The following TUSC3 variants were observed in gnomAD, a reference collection of about 807,000 sequenced individuals.
TUSC3 encodes dolichyl-diphosphooligosaccharide--protein glycosyltransferase subunit TUSC3.
A neutral mutation model predicts 44.8 loss-of-function variants in TUSC3; 45 were observed. That is an observed-to-expected ratio of 1.00 (90% CI 0.79 to 1.29). The LOEUF (loss-of-function observed/expected upper bound fraction) is 1.29, where lower values mean the gene tolerates loss of function less well. TUSC3 is among the 50% of genes most tolerant of loss of function. TUSC3 has a pLI of 0.00. For missense variants in TUSC3, 519 were observed against 437.9 expected (o/e 1.19, Z -1.65); for synonymous variants, 212 against 152.9 (o/e 1.39, Z -2.85).
chr8:15,748,757 T>C lies in TUSC3; in HGVS notation c.1028+292T>C, dbSNP rs143825573. ...AGGACTTGAAAATTTTTATCTTCCC[T>C]TAGTTTGTCGTGATTTCGACTTCAT... On this transcript the variant is annotated intron_variant, in intron 9 of 10. Transcript: ENST00000503731. 8.8e-4 allele frequency: 497 copies of C among 567,108 alleles called. 3 individuals carry two copies. The East Asian group carries it at 0.021, about 23-fold the overall frequency. 35.1% of individuals were successfully genotyped at this position (567,108 alleles called of 1,614,324 possible). A position where few individuals can be genotyped will look rare whatever the true frequency, so the allele number is the denominator to read the frequency against.
At chr8:15,754,906 C>A (rs1024951402) in intron 9 of TUSC3, among the ~76,000 whole-genome samples, 1 of 151,944 alleles carries the variant, frequency 6.6e-6, no homozygotes, top group African/African-American at 2.4e-5. Context: ...TAATCTTAAG[C>A]CTTACAAAAC....
chr8:15,747,456 AATATCTTTGTCTTT>A (rs1456174348), intron 8 of TUSC3, among the ~76,000 whole-genome samples: 1 of 143,476 alleles, frequency 7.0e-6, no homozygotes, highest in Non-Finnish European at 1.6e-5. Flanking sequence ...ATTTTATTTA[AATATCTTTGTCTTT>A]TATTCTAAAC....
chr8:15,747,739 G>C (rs921327632), intron 8 of TUSC3, among the ~76,000 whole-genome samples: 3 of 152,012 alleles, frequency 2.0e-5, no homozygotes, highest in Non-Finnish European at 4.4e-5. Flanking sequence ...TATAACATAT[G>C]TCCTCAGTTT....
At chr8:15,736,132 C>T (rs1161067765) in intron 7 of TUSC3, among the ~76,000 whole-genome samples, 1 of 152,084 alleles carries the variant, frequency 6.6e-6, no homozygotes, top group Non-Finnish European at 1.5e-5. Flanking sequence ...TACACACATA[C>T]ACGCAGGTGC....
intron 6 of TUSC3, among the ~76,000 whole-genome samples, chr8:15,707,898 C>T (rs1168565356): frequency 1.3e-5 from 2 of 151,894 alleles, no homozygotes; most frequent in Non-Finnish European, 2.9e-5. Flanking sequence ...TCCCATGCCT[C>T]TTTCTTAGGT....
chr8:15,529,987 T>A (rs907243493), intron 2 of TUSC3, among the ~76,000 whole-genome samples: 1 of 116,840 alleles, frequency 8.6e-6, no homozygotes, highest in Non-Finnish European at 1.7e-5. Context: ...GGGTTTCACC[T>A]TGTTAGCCAG....
intron 6 of TUSC3, among the ~76,000 whole-genome samples, chr8:15,699,600 G>A (rs1809311385): frequency 1.3e-5 from 2 of 152,118 alleles, no homozygotes; most frequent in African/African-American, 4.8e-5. Flanking sequence ...AATAATACTT[G>A]TATTTTCAAA....
chr8:15,495,424 A>T (rs1261525904), intron 2 of TUSC3, among the ~76,000 whole-genome samples: 1 of 152,202 alleles, frequency 6.6e-6, no homozygotes, highest in African/African-American at 2.4e-5. Context: ...CCTTCAGGTG[A>T]GTTCACATAC....
At chr8:15,633,853 T>G (rs1327033732) in intron 2 of TUSC3, among the ~76,000 whole-genome samples, 1 of 152,182 alleles carries the variant, frequency 6.6e-6, no homozygotes, top group Non-Finnish European at 1.5e-5. Context: ...CCATCCAGTT[T>G]GTGATACTTT....
At chr8:15,838,622 C>T in the TUSC3 span, among the ~76,000 whole-genome samples, 9,751 of 152,128 alleles carry the variant, frequency 0.064, 1,055 homozygotes, top group African/African-American at 0.22. Flanking sequence ...GAATCCTTTC[C>T]CCATTTCTTG....
intron 2 of TUSC3, among the ~76,000 whole-genome samples, chr8:15,528,957 C>A (rs370427783): frequency 4.6e-5 from 7 of 152,276 alleles, no homozygotes; most frequent in African/African-American, 1.7e-4. Flanking sequence ...TTTCATTACT[C>A]CTTTGTCACC....
chr8:15,540,547 G>T lies in TUSC3; in HGVS notation c.117G>T (p.Gly39=). The T allele has an allele frequency of 6.3e-7, 1 of 1,597,326 alleles. No homozygotes were observed. The highest frequency in any genetic ancestry group is 8.5e-7 in the Non-Finnish European group (1 of 1,172,692). The stretch of plus-strand genomic sequence containing the variant: ...TGCTGCTGCTCTGCATCCAGCTCGG[G>T]GGAGGACAGAAGAAAAAGGAGGTAG... The part of the protein sequence containing the change: ...LLLLLLCIQL[G]GGQKKKENLL... Residue 39 remains glycine (G), a synonymous_variant, in exon 1 of 11, where the codon GGG becomes GGT. Coordinates refer to ENST00000503731, the MANE Select transcript of TUSC3 (RefSeq NM_006765.4).
At chr8:15,625,819 A>G (rs1805481503) in intron 2 of TUSC3, among the ~76,000 whole-genome samples, 1 of 152,228 alleles carries the variant, frequency 6.6e-6, no homozygotes, top group African/African-American at 2.4e-5. Context: ...CATGGTTAAA[A>G]GTGAGTAGAG....
At chr8:15,778,114 AAAAAC>A in the TUSC3 span, among the ~76,000 whole-genome samples, 58 of 148,204 alleles carry the variant, frequency 3.9e-4, no homozygotes, top group African/African-American at 1.4e-3. Flanking sequence ...AAAAAAAACA[AAAAAC>A]CAAAAAACAA....
intron 6 of TUSC3, among the ~76,000 whole-genome samples, chr8:15,679,345 T>G (rs1288576211): frequency 6.6e-6 from 1 of 152,142 alleles, no homozygotes; most frequent in Non-Finnish European, 1.5e-5. Context: ...TTGGCGTTTC[T>G]CTGATGATTA....
rs354506 is a variant in TUSC3 at position 15,659,264 on chromosome 8, C to T, written c.427-243C>T. ...GAAATGACTTACAAAATATACAGAA[C>T]ATAATGCATAATTTGAATGATGTAT... On this transcript the variant is annotated intron_variant, in intron 3 of 10. Transcript: ENST00000503731. Among the ~76,000 whole-genome samples, 130,107 of 152,082 alleles carry T rather than the reference C, an allele frequency of 0.86. 55,856 individuals carry two copies. The highest frequency in any genetic ancestry group is 0.88 in the Non-Finnish European group (59,562 of 67,970).
At chr8:15,561,219 A>G (rs964756401) in intron 1 of TUSC3, among the ~76,000 whole-genome samples, 7 of 139,038 alleles carry the variant, frequency 5.0e-5, no homozygotes, top group African/African-American at 1.8e-4. Context: ...TTTTCCTTCT[A>G]ACAGACAGGA....
At chr8:15,570,953 A>ATTTTTTTTTTTTTTTTTTTTTT (rs1491358652) in intron 1 of TUSC3, among the ~76,000 whole-genome samples, 1 of 24,362 alleles carries the variant, frequency 4.1e-5, no homozygotes. Flanking sequence ...ATTGCCTATT[A>ATTTTTTTTTTTTTTTTTTTTTT]GTTTTTTTTT....
the TUSC3 span, among the ~76,000 whole-genome samples, chr8:15,814,229 G>A: frequency 3.9e-5 from 6 of 152,142 alleles, no homozygotes; most frequent in Non-Finnish European, 8.8e-5. Context: ...TTCTGTGATT[G>A]AGTGTATGTG....
Sources: gnomAD v4.1 joint callset for allele counts (sites outside exome capture counted in the v4.1 genomes callset) on GRCh38, gnomAD v4.1.1 for gene constraint, MANE v1.5 for transcripts, NCBI Gene and HGNC (gene_info 2026-07-23, HGNC 2026-07-21) for gene names.